Variants in SUPT3H observed in about 807,000 individuals in gnomAD.
SUPT3H encodes SPT3 homolog, SAGA and STAGA complex component, also known as transcription initiation protein SPT3 homolog.
SUPT3H carries 44 observed loss-of-function variants against 44.3 expected under a neutral mutation model. The observed-to-expected ratio is 0.99, with a 90% CI of 0.78 to 1.28. SUPT3H has a LOEUF of 1.28. SUPT3H is among the 50% of genes most tolerant of loss of function. The probability of loss-of-function intolerance (pLI) is 0.00; values close to 1 mark genes in which losing one functional copy is unlikely to be tolerated. For synonymous variants in SUPT3H, 124 were observed against 125.6 expected, an observed-to-expected ratio of 0.99 and a Z score of 0.09; for missense variants, 380 against 387.1, an observed-to-expected ratio of 0.98 and a Z score of 0.15.
At chr6:44,885,100 C>A (rs980845832) in intron 10 of SUPT3H, among the ~76,000 whole-genome samples, 5 of 152,338 alleles carry the variant, frequency 3.3e-5, no homozygotes, top group East Asian at 3.9e-4. Context: ...CTTAGGTAAA[C>A]AAAGCAGCCA....
At chr6:44,902,194 G>C (rs1765186389) in intron 10 of SUPT3H, among the ~76,000 whole-genome samples, 1 of 152,112 alleles carries the variant, frequency 6.6e-6, no homozygotes, top group South Asian at 2.1e-4. Context: ...AAATGTAAAT[G>C]GGCTAAATGC....
At chr6:45,099,108 C>T (rs1441723053) in intron 3 of SUPT3H, 5 of 351,026 alleles carry the variant, frequency 1.4e-5, no homozygotes, top group Non-Finnish European at 2.3e-5. Flanking sequence ...GCCACCAGCC[C>T]CTAGTCTTCC....
At chr6:45,250,759 T>A in intron 2 of SUPT3H, among the ~76,000 whole-genome samples, 1 of 150,628 alleles carries the variant, frequency 6.6e-6, no homozygotes, top group Admixed American at 6.6e-5. Flanking sequence ...AAAAAGATCC[T>A]AAAAGCATCA....
At chr6:45,241,720 GA>G (rs1174513913) in intron 2 of SUPT3H, among the ~76,000 whole-genome samples, 2 of 152,088 alleles carry the variant, frequency 1.3e-5, no homozygotes, top group African/African-American at 4.8e-5. Context: ...GGTCATCAGT[GA>G]GAAAAGAGGT....
chr6:45,142,283 A>T (rs1438852090), intron 2 of SUPT3H, among the ~76,000 whole-genome samples: 2 of 152,174 alleles, frequency 1.3e-5, no homozygotes, highest in Non-Finnish European at 2.9e-5. Context: ...GCAATACACC[A>T]AAAAAGAACC....
chr6:45,348,760 A>G (rs1791442237), intron 2 of SUPT3H, among the ~76,000 whole-genome samples: 1 of 152,044 alleles, frequency 6.6e-6, no homozygotes, highest in Non-Finnish European at 1.5e-5. Context: ...GTTAGTGCAC[A>G]TTACCTATTT....
intron 2 of SUPT3H, among the ~76,000 whole-genome samples, chr6:45,175,659 C>T (rs367971201): frequency 6.6e-6 from 1 of 151,994 alleles, no homozygotes; most frequent in Non-Finnish European, 1.5e-5. Flanking sequence ...TGAAGGCATC[C>T]TACATGAATA....
At chr6:45,068,756 C>G (rs559010362) in intron 3 of SUPT3H, among the ~76,000 whole-genome samples, 13 of 152,010 alleles carry the variant, frequency 8.6e-5, no homozygotes, top group African/African-American at 3.1e-4. Context: ...AGTGTGTGGA[C>G]TTCACACTCA....
downstream of SUPT3H, among the ~76,000 whole-genome samples, chr6:44,825,372 G>A (rs558723208): frequency 1.3e-5 from 2 of 152,284 alleles, no homozygotes; most frequent in South Asian, 4.1e-4. Context: ...TCTGAGAAGT[G>A]CTTCTAGGTT....
intron 2 of SUPT3H, among the ~76,000 whole-genome samples, chr6:45,356,272 G>T (rs185647896): frequency 1.3e-5 from 2 of 151,518 alleles, no homozygotes; most frequent in Admixed American, 6.6e-5. Flanking sequence ...GCAAAAGATG[G>T]CATACTCATT....
chr6:45,035,069 T>C (rs1042625467), intron 3 of SUPT3H, among the ~76,000 whole-genome samples: 29 of 152,228 alleles, frequency 1.9e-4, no homozygotes, highest in Admixed American at 1.8e-3. Flanking sequence ...ATAGTTTCTA[T>C]GGAGTATTTA....
At chr6:45,011,890 G>C (rs1057108133) in intron 5 of SUPT3H, among the ~76,000 whole-genome samples, 2 of 151,530 alleles carry the variant, frequency 1.3e-5, no homozygotes, top group African/African-American at 2.4e-5. Flanking sequence ...CCTGGTTTTT[G>C]TTTATCTGGG....
Position 45,217,348 on chromosome 6 carries a change from G to A in SUPT3H, c.102-111342C>T, listed in dbSNP as rs367872212. On this transcript the variant is annotated intron_variant, in intron 2 of 10. Coordinates refer to ENST00000371459, the MANE Select transcript of SUPT3H (RefSeq NM_003599.4). The stretch of plus-strand genomic sequence containing the variant: ...AAGTTAGCCAGGTGTAGCGGTGCGC[G>A]TCTGTAATCCCAGCTACTCAGGAGG... Among the ~76,000 whole-genome samples the A allele has an allele frequency of 3.7e-4, 56 of 151,904 alleles. 1 individual carries two copies. Among genetic ancestry groups the A allele is most frequent in the Middle Eastern group, 3.4e-3 (1 of 294 alleles).
chr6:45,031,455 A>C (rs1786926401), intron 3 of SUPT3H, among the ~76,000 whole-genome samples: 1 of 152,178 alleles, frequency 6.6e-6, no homozygotes, highest in African/African-American at 2.4e-5. Context: ...ACTTCAAGGG[A>C]AAAATAATGT....
At chr6:45,133,233 C>T (rs1803754937) in intron 2 of SUPT3H, among the ~76,000 whole-genome samples, 1 of 152,164 alleles carries the variant, frequency 6.6e-6, no homozygotes, top group Non-Finnish European at 1.5e-5. Flanking sequence ...CTTGCTAATA[C>T]TCCATATTAC....
intron 3 of SUPT3H, among the ~76,000 whole-genome samples, chr6:45,021,769 C>T (rs1338748102): frequency 6.6e-6 from 1 of 151,916 alleles, no homozygotes; most frequent in African/African-American, 2.4e-5. Context: ...GCTAAGTAAG[C>T]TTCAAACCTT....
chr6:45,012,086 A>AT (rs1384205223), intron 5 of SUPT3H, among the ~76,000 whole-genome samples: 3 of 143,020 alleles, frequency 2.1e-5, no homozygotes, highest in South Asian at 2.2e-4. Flanking sequence ...GACTTTCATG[A>AT]TTTTTTGTCT....
chr6:45,139,897 A>T (rs886593576), intron 2 of SUPT3H, among the ~76,000 whole-genome samples: 21 of 152,138 alleles, frequency 1.4e-4, no homozygotes, highest in African/African-American at 5.1e-4. Context: ...TTACCTCAGC[A>T]GAATTCAGGG....
At position 44,851,813 on chromosome 6, in the gene SUPT3H, T is replaced by A. The variant is rs531237449; in HGVS notation, c.913-21956A>T. On this transcript the variant is annotated intron_variant, in intron 10 of 10. Coordinates refer to ENST00000371459, the MANE Select transcript of SUPT3H (RefSeq NM_003599.4). ...AATCTGGTGTCTGGAGTGATTTCTA[T>A]AAAAAGCTGCTCATTGAGCCCCTGA... Among the ~76,000 whole-genome samples, 11 of 152,310 alleles carry A rather than the reference T, an allele frequency of 7.2e-5. No individual in the cohort carries two copies. The East Asian group carries it at 2.1e-3, about 29-fold the overall frequency.
Sources: allele counts gnomAD v4.1 joint callset (sites outside exome capture counted in the v4.1 genomes callset), GRCh38; gene constraint gnomAD v4.1.1; transcripts MANE v1.5; gene names NCBI Gene and HGNC (gene_info 2026-07-23, HGNC 2026-07-21).